The following PROS1 variants were observed in gnomAD, a reference collection of about 807,000 sequenced individuals.
PROS1 encodes the protein protein S, also known as vitamin K-dependent protein S.
Under a neutral mutation model 75.9 loss-of-function variants are expected in PROS1, and 29 were observed. The ratio of observed to expected loss-of-function variants is 0.38; its 90% confidence interval spans 0.28 to 0.52. The LOEUF (loss-of-function observed/expected upper bound fraction) is 0.52. PROS1 is among the 20% of genes least tolerant of loss of function. PROS1 has a pLI of 0.83. For missense variants in PROS1, 680 were observed against 810.3 expected, an observed-to-expected ratio of 0.84 and a Z score of 1.95; for synonymous variants, 245 against 280.6, an observed-to-expected ratio of 0.87 and a Z score of 1.27.
rs62998164 is a variant in PROS1 at position 93,971,355 on chromosome 3, C to CTAAA, written c.76+2315_76+2318dup. On this transcript the variant is annotated intron_variant, in intron 1 of 14. Coordinates refer to ENST00000394236, the MANE Select transcript of PROS1 (RefSeq NM_000313.4). ...TGGGCAACAGAGCAAGACTCCATCT[C>CTAAA]TAAATAAATAAATAAATAAATAAAT... Among the ~76,000 whole-genome samples the CTAAA allele has an allele frequency of 6.3e-3, 859 of 136,870 alleles. 8 individuals carry two copies. The highest frequency in any genetic ancestry group is 0.013 in the African/African-American group (481 of 36,140). 89.8% of individuals were successfully genotyped at this position (136,870 alleles called of 152,430 possible).
chr3:93,911,615 C>T (rs1388315119), intron 3 of PROS1, among the ~76,000 whole-genome samples: 1 of 152,112 alleles, frequency 6.6e-6, no homozygotes, highest in Non-Finnish European at 1.5e-5. Flanking sequence ...CAGGGGACTG[C>T]TTCCAAGATG....
chr3:93,916,198 C>T (rs561461907), intron 3 of PROS1, among the ~76,000 whole-genome samples: 177 of 152,224 alleles, frequency 1.2e-3, no homozygotes, highest in African/African-American at 4.1e-3. Context: ...TTTTAGGTCT[C>T]GAGTAGTCTT....
At chr3:93,958,947 T>C (rs1192814633) in intron 1 of PROS1, among the ~76,000 whole-genome samples, 2 of 152,188 alleles carry the variant, frequency 1.3e-5, no homozygotes, top group East Asian at 3.9e-4. Flanking sequence ...TCAATTTAGA[T>C]GTGAAAATTG....
chr3:93,970,638 C>T lies in PROS1; in HGVS notation c.76+3036G>A, dbSNP rs531842765. 9.1e-4 allele frequency among the ~76,000 whole-genome samples: 139 copies of T among 152,086 alleles called. 1 individual carries two copies. The highest frequency in any genetic ancestry group is 3.2e-3 in the African/African-American group (133 of 41,502). On this transcript the variant is annotated intron_variant, in intron 1 of 14. Coordinates refer to ENST00000394236, the MANE Select transcript of PROS1 (RefSeq NM_000313.4). Reference sequence around the variant, plus strand: ...GATTACAGGCATGAGCGGCTATGACCGGGTGACAGTATATATGTTAAATAT... The same window carrying T: ...GATTACAGGCATGAGCGGCTATGACTGGGTGACAGTATATATGTTAAATAT...
chr3:93,879,037 C>A (rs1708237126), intron 13 of PROS1, 126 bp downstream of exon 13: 1 of 993,532 alleles, frequency 1.0e-6, no homozygotes, highest in Admixed American at 2.5e-5. Flanking sequence ...GGAGATTGTG[C>A]CAAACACTTT....
At chr3:93,881,865 C>T (rs1283870189) in intron 12 of PROS1, among the ~76,000 whole-genome samples, 1 of 152,050 alleles carries the variant, frequency 6.6e-6, no homozygotes, top group Admixed American at 6.6e-5. Context: ...CCTTACCTCG[C>T]CCTTTTTAGG....
At chr3:93,945,938 G>A (rs562133531) in intron 1 of PROS1, among the ~76,000 whole-genome samples, 1 of 152,278 alleles carries the variant, frequency 6.6e-6, no homozygotes, top group African/African-American at 2.4e-5. Context: ...ATCTCCTTAA[G>A]CTGATAAGCA....
chr3:93,878,313 G>A (rs1708220786), intron 13 of PROS1, among the ~76,000 whole-genome samples: 1 of 152,144 alleles, frequency 6.6e-6, no homozygotes, highest in Admixed American at 6.6e-5. Flanking sequence ...AAACTCATCA[G>A]GATATTTTTA....
At chr3:93,898,224 C>G (rs1708531777) in intron 8 of PROS1, among the ~76,000 whole-genome samples, 1 of 152,036 alleles carries the variant, frequency 6.6e-6, no homozygotes, top group African/African-American at 2.4e-5. Context: ...ACTCTCTAAA[C>G]TGTGACTCTA....
Position 93,945,412 on chromosome 3 carries a change from T to A in PROS1, c.77-18005A>T, listed in dbSNP as rs758358888. 2.7e-4 allele frequency among the ~76,000 whole-genome samples: 41 copies of A among 152,244 alleles called. No individual in the cohort carries two copies. In the South Asian group the frequency reaches 4.1e-3, roughly 15 times the overall value. ...TGAACATTGATGCAGAAATCCTCAA[T>A]AAAATACTGGCAAACCGAATCCAGC... On this transcript the variant is annotated intron_variant, in intron 1 of 14. Coordinates refer to ENST00000394236, the MANE Select transcript of PROS1 (RefSeq NM_000313.4).
intron 3 of PROS1, among the ~76,000 whole-genome samples, chr3:93,917,269 GT>G (rs1042913523): frequency 8.1e-6 from 1 of 123,226 alleles, no homozygotes; most frequent in Non-Finnish European, 1.9e-5. Context: ...TGTGGTTTTT[GT>G]TTTTTTGTTT....
chr3:93,883,200 G>A (rs931184550), intron 12 of PROS1, among the ~76,000 whole-genome samples: 1 of 152,192 alleles, frequency 6.6e-6, no homozygotes, highest in Non-Finnish European at 1.5e-5. Flanking sequence ...CAGGTAACAA[G>A]AGCACTCTGC....
At chr3:93,942,109 C>T (rs1181389271) in intron 1 of PROS1, among the ~76,000 whole-genome samples, 1 of 152,100 alleles carries the variant, frequency 6.6e-6, no homozygotes, top group Non-Finnish European at 1.5e-5. Context: ...CTTGGTTTAT[C>T]GATGGCAGTT....
At chr3:93,889,875 G>T (rs1708405121) in intron 10 of PROS1, among the ~76,000 whole-genome samples, 2 of 152,036 alleles carry the variant, frequency 1.3e-5, no homozygotes, top group Non-Finnish European at 2.9e-5. Context: ...CCTTGAAAAA[G>T]AACAGAATAA....
At chr3:93,937,567 C>A (rs1709204399) in intron 1 of PROS1, among the ~76,000 whole-genome samples, 1 of 151,992 alleles carries the variant, frequency 6.6e-6, no homozygotes, top group Non-Finnish European at 1.5e-5. Context: ...CAGGGTTTCA[C>A]CATGTTCACC....
chr3:93,934,724 G>A (rs1033603748), intron 1 of PROS1, among the ~76,000 whole-genome samples: 12 of 152,098 alleles, frequency 7.9e-5, no homozygotes, highest in African/African-American at 2.9e-4. Flanking sequence ...AAAACATTAA[G>A]GATAGGGGAG....
intron 11 of PROS1, 88 bp from the exon 12 acceptor site, chr3:93,884,984 A>C (rs1708326310): frequency 5.2e-6 from 6 of 1,162,110 alleles, no homozygotes; most frequent in Admixed American, 2.7e-5. Context: ...AAGAGAAAAA[A>C]AATCCTTTCT....
intron 4 of PROS1, among the ~76,000 whole-genome samples, chr3:93,910,023 A>G (rs1708736868): frequency 6.6e-6 from 1 of 152,224 alleles, no homozygotes; most frequent in Non-Finnish European, 1.5e-5. Flanking sequence ...ACACAGTTAA[A>G]AGAATATCTA....
chr3:93,877,929 T>C (rs1351391651), intron 13 of PROS1, among the ~76,000 whole-genome samples: 1 of 152,210 alleles, frequency 6.6e-6, no homozygotes, highest in African/African-American at 2.4e-5. Flanking sequence ...TTTGCAAATA[T>C]AGGTTACTTG....
Sources: allele counts gnomAD v4.1 joint callset (sites outside exome capture counted in the v4.1 genomes callset), GRCh38; gene constraint gnomAD v4.1.1; transcripts MANE v1.5; gene names NCBI Gene and HGNC (gene_info 2026-07-23, HGNC 2026-07-21).